MYH13: variants seen among roughly 807,000 people sequenced by gnomAD.
MYH13 encodes the protein myosin heavy chain 13.
MYH13 carries 177 observed loss-of-function variants against 232.1 expected under a neutral mutation model. That is an observed-to-expected ratio of 0.76 (90% CI 0.67 to 0.86). MYH13 has a LOEUF of 0.86. MYH13 is among the 40% of genes least tolerant of loss of function. The probability of loss-of-function intolerance (pLI) is 0.00; values close to 1 mark genes in which losing one functional copy is unlikely to be tolerated. For missense variants in MYH13, 2,246 were observed against 2,405.9 expected (o/e 0.93, Z 1.39); for synonymous variants, 884 against 923.5 (o/e 0.96, Z 0.78).
At position 10,358,248 on chromosome 17, in the gene MYH13, G is replaced by A. The variant is rs1387455542; in HGVS notation, c.646-421C>T. ...TGTGAGCAAAGCAAGCGACCCAGGGGATGATACAATAACAACAGTGGTTCT... is the reference window on the plus strand; with the variant it reads ...TGTGAGCAAAGCAAGCGACCCAGGGAATGATACAATAACAACAGTGGTTCT... On this transcript the variant is annotated intron_variant, in intron 7 of 40. Transcript: ENST00000252172. Among the ~76,000 whole-genome samples the A allele has an allele frequency of 2.0e-5, 3 of 152,274 alleles. No individual in the cohort carries two copies. In the East Asian group the frequency reaches 5.8e-4, roughly 29 times the overall value.
chr17:10,316,374 T>G (rs1479724630), intron 27 of MYH13, among the ~76,000 whole-genome samples: 1 of 152,002 alleles, frequency 6.6e-6, no homozygotes, highest in Non-Finnish European at 1.5e-5. Flanking sequence ...GGCAGGAGAA[T>G]CGCTTGAACT....
intron 12 of MYH13, 136 bp downstream of exon 12, chr17:10,350,420 G>T: frequency 7.9e-7 from 1 of 1,271,224 alleles, no homozygotes; most frequent in Non-Finnish European, 1.1e-6. Context: ...GCTACAATGA[G>T]CTTCAGGAAA....
chr17:10,306,515 C>A lies in MYH13; in HGVS notation c.5410G>T (p.Ala1804Ser). 1 of 1,614,114 alleles carries A rather than the reference C, an allele frequency of 6.2e-7. No individual in the cohort carries two copies. Among genetic ancestry groups the A allele is most frequent in the Non-Finnish European group, 8.5e-7 (1 of 1,180,024 alleles). The change falls in exon 37 of 41, where the codon GCT becomes TCT. Residue 1804 changes from alanine (A) to serine (S), a missense_variant. By Grantham distance (99) the Ala-to-Ser change is moderately conservative (BLOSUM62 1). Coordinates refer to ENST00000252172, the MANE Select transcript of MYH13 (RefSeq NM_003802.3). This position sits in a 1 kb window ranked among gnomAD's most constrained non-coding sequence, Gnocchi z 4.3. ...CCGCCCTTCAGCGCCAGTTGTTCAG[C>A]CTCATCTAGACGGTGCTGCAGGTCC... is the stretch of plus-strand genomic sequence containing the variant. ...VKDLQHRLDEAEQLALKGGKK... is the reference protein window; with the variant it reads ...VKDLQHRLDESEQLALKGGKK...
At position 10,344,040 on chromosome 17, in the gene MYH13, T is replaced by C. The variant is rs2071640500; in HGVS notation, c.1654A>G (p.Asn552Asp). 6.2e-7 allele frequency: 1 copy of C among 1,614,106 alleles called. No individual in the cohort carries two copies. The highest frequency in any genetic ancestry group is 8.5e-7 in the Non-Finnish European group (1 of 1,180,056). The part of the protein sequence containing the change: ...FPKATDTSFK[N>D]KLYDQHLGKS... ...CCAAGATGCTGGTCATACAGCTTGT[T>C]CTTGAAGGAGGTGTCTGTTGCCTTG... Residue 552 changes from asparagine (N) to aspartate (D), a missense_variant, in exon 16 of 41, where the codon AAC (asparagine) becomes GAC (aspartate). Transcript: ENST00000252172.
At chr17:10,340,529 G>T in intron 16 of MYH13, 128 bp from the exon 17 acceptor site, 4 of 698,740 alleles carry the variant, frequency 5.7e-6, no homozygotes, top group Non-Finnish European at 9.4e-6. Context: ...GGTTTTGTTT[G>T]TTTGTTTTAG....
At chr17:10,303,641 T>C (rs147953917) in intron 37 of MYH13, 143 bp from the exon 38 acceptor site, 1 of 684,742 alleles carries the variant, frequency 1.5e-6, no homozygotes, top group Admixed American at 2.7e-5. Context: ...CTGGAGAGGA[T>C]GTGGAGAAAT....
At chr17:10,371,091 T>C (rs145677594) in intron 2 of MYH13, 118 bp downstream of exon 2, 11 of 152,362 alleles carry the variant, frequency 7.2e-5, no homozygotes, top group African/African-American at 2.4e-4. Context: ...AGTTAAGTTA[T>C]TGGTTTCAAA....
At position 10,313,202 on chromosome 17, in the gene MYH13, G is replaced by A. The variant is rs199597355; in HGVS notation, c.4137C>T (p.Tyr1379=). The A allele has an allele frequency of 2.6e-4, 423 of 1,614,188 alleles. 1 individual carries two copies. In the African/African-American group the frequency reaches 4.8e-3, roughly 18 times the overall value. The change falls in exon 30 of 41, where the codon TAC becomes TAT. Residue 1379 remains tyrosine (Y), a synonymous_variant. Transcript: ENST00000252172. ...NSEVAQWRTK[Y]ETDAIQRTEE... ...CTGTGCGCTGAATGGCGTCCGTCTC[G>A]TATTTGGTCCTCCACTGGGCAACCT... is the stretch of plus-strand genomic sequence containing the variant.
At chr17:10,344,200 C>G in intron 15 of MYH13, 91 bp from the exon 16 acceptor site, 1 of 1,516,420 alleles carries the variant, frequency 6.6e-7, no homozygotes, top group South Asian at 1.3e-5. Context: ...GGTGCTTTCA[C>G]TCTGGTACCA....
chr17:10,348,152 T>C (rs752473817), intron 12 of MYH13, among the ~76,000 whole-genome samples: 34 of 152,238 alleles, frequency 2.2e-4, no homozygotes, highest in Non-Finnish European at 4.0e-4. Context: ...TATCTCCTTT[T>C]CTTGCTTTGC....
intron 35 of MYH13, among the ~76,000 whole-genome samples, chr17:10,307,818 T>G (rs1363102185): frequency 6.6e-6 from 1 of 152,206 alleles, no homozygotes; most frequent in Non-Finnish European, 1.5e-5. Flanking sequence ...TTTTAGAAAT[T>G]TATTTACTTC....
intron 21 of MYH13, among the ~76,000 whole-genome samples, chr17:10,330,005 A>G (rs923772275): frequency 3.3e-5 from 5 of 151,958 alleles, no homozygotes; most frequent in South Asian, 2.1e-4. Context: ...GTCTAAAAAA[A>G]AAAAAAAAGG....
intron 27 of MYH13, chr17:10,317,949 G>A (rs1231638650): frequency 3.9e-5 from 6 of 152,088 alleles, no homozygotes; most frequent in Non-Finnish European, 7.3e-5. Flanking sequence ...TTTTCTTAAA[G>A]AGCCCCAATC....
chr17:10,309,750 C>T lies in MYH13; in HGVS notation c.4737G>A (p.Lys1579=), dbSNP rs768200909. 2 of 1,602,018 alleles carry T rather than the reference C, an allele frequency of 1.2e-6. No individual in the cohort carries two copies. Among genetic ancestry groups the T allele is most frequent in the South Asian group, 2.3e-5 (2 of 88,634 alleles). ...LSQVKSELDR[K]VIEKDEEIEQ... is the part of the protein sequence containing the mutation. ...CGATTTCTTCATCCTTCTCAATGAC[C>T]TTGCGGTCTAGCTCGGATTTCACCT... is the stretch of plus-strand genomic sequence containing the variant. Residue 1579 remains lysine (K), a synonymous_variant, in exon 34 of 41, where the codon AAG becomes AAA. Transcript: ENST00000252172.
rs765824820 is a variant in MYH13 at position 10,350,699 on chromosome 17, A to G, written c.1006-5T>C. 5.6e-6 allele frequency: 9 copies of G among 1,613,626 alleles called. No individual in the cohort carries two copies. The South Asian group carries it at 8.8e-5, about 16-fold the overall frequency. ...GCCCAGGATGTCAATGGCATTCTGG[A>G]AAGAAAAAAAGGACAACTGTCATAG... On this transcript the variant is annotated splice_polypyrimidine_tract_variant and splice_region_variant and intron_variant, in intron 11 of 40. Transcript: ENST00000252172.
chr17:10,327,861 C>T lies in MYH13; in HGVS notation c.2691+5G>A, dbSNP rs1165879480. ...GTTTTGCGTTCTCAAGTAGAAGGTA[C>T]TTACAGACTGGACCTGCAATTGGAG... On this transcript the variant is annotated splice_donor_5th_base_variant and intron_variant, in intron 22 of 40. Coordinates refer to ENST00000252172, the MANE Select transcript of MYH13 (RefSeq NM_003802.3). 1.2e-6 allele frequency: 2 copies of T among 1,610,396 alleles called. No individual in the cohort carries two copies. The highest frequency in any genetic ancestry group is 1.1e-5 in the South Asian group (1 of 90,578).
chr17:10,328,979 G>A (rs1567663294), intron 21 of MYH13, among the ~76,000 whole-genome samples: 2 of 152,194 alleles, frequency 1.3e-5, no homozygotes. Context: ...CAACCAGCCT[G>A]TATTCCTAAT....
chr17:10,320,358 A>G lies in MYH13; in HGVS notation c.3250T>C (p.Leu1084=). 1 of 1,610,998 alleles carries G rather than the reference A, an allele frequency of 6.2e-7. No homozygotes were observed. Among genetic ancestry groups the G allele is most frequent in the Non-Finnish European group, 8.5e-7 (1 of 1,178,596 alleles). The part of the protein sequence containing the change: ...ENDKQQIEEK[L]KKKEFELSQL... ...GGTAAAAGAAATATCTACTTTTTCA[A>G]TTTCTCTTCTATTTGCTGCTTGTCA... Residue 1084 remains leucine (L), a synonymous_variant, in exon 25 of 41, where the codon TTG becomes CTG. Coordinates refer to ENST00000252172, the MANE Select transcript of MYH13 (RefSeq NM_003802.3).
intron 18 of MYH13, among the ~76,000 whole-genome samples, chr17:10,339,231 C>T (rs1363533236): frequency 6.6e-6 from 1 of 152,172 alleles, no homozygotes; most frequent in Non-Finnish European, 1.5e-5. Flanking sequence ...CTCCGTGTGA[C>T]AGTTTGTTTT....
Sources: allele counts gnomAD v4.1 joint callset (sites outside exome capture counted in the v4.1 genomes callset), GRCh38; gene constraint gnomAD v4.1.1; non-coding constraint Gnocchi (gnomAD v3.1); transcripts MANE v1.5; gene names NCBI Gene and HGNC (gene_info 2026-07-23, HGNC 2026-07-21).